Variants in IFT20 observed in about 807,000 individuals in gnomAD.
The protein encoded by IFT20 is intraflagellar transport protein 20 homolog.
A neutral mutation model predicts 16.9 loss-of-function variants in IFT20; 4 were observed. That is an observed-to-expected ratio of 0.24 (90% CI 0.12 to 0.54). The LOEUF is 0.54. Among genes scored for constraint, IFT20 ranks in the 20% least tolerant of loss-of-function variants. The pLI, the probability that IFT20 is intolerant of heterozygous loss-of-function variation, is 0.95. For synonymous variants in IFT20, 48 were observed against 49.9 expected (o/e 0.96, Z 0.16); for missense variants, 154 against 149.7 (o/e 1.03, Z -0.15).
intron 3 of IFT20, chr17:28,329,500 C>A (rs1906588082): frequency 2.0e-6 from 1 of 491,964 alleles, no homozygotes; most frequent in African/African-American, 2.0e-5. Context: ...ATTCCTAGAG[C>A]CAGGGACACA....
chr17:28,328,877 C>T (rs782646653), intron 4 of IFT20, 144 bp from the exon 5 acceptor site: 1 of 669,258 alleles, frequency 1.5e-6, no homozygotes, highest in Non-Finnish European at 2.6e-6. Flanking sequence ...CAAAGCCCTA[C>T]CCAGAGCCAC....
At chr17:28,331,607 A>T in intron 2 of IFT20, 2 of 472,700 alleles carry the variant, frequency 4.2e-6, no homozygotes, top group Non-Finnish European at 7.6e-6. Flanking sequence ...TCTAAGAGCA[A>T]GAAATGAAAG....
At chr17:28,332,398 C>A in intron 1 of IFT20, 1 of 541,698 alleles carries the variant, frequency 1.8e-6, no homozygotes, top group Non-Finnish European at 3.3e-6. Context: ...AGAAGACAGA[C>A]ACGGAAACTG....
chr17:28,331,524 A>G (rs1172736917), intron 2 of IFT20: 1 of 222,666 alleles, frequency 4.5e-6, no homozygotes, highest in Non-Finnish European at 8.9e-6. Context: ...TTCTCTGAAG[A>G]AATCAAATCA....
chr17:28,332,401 G>A (rs1035851825), intron 1 of IFT20: 8 of 532,226 alleles, frequency 1.5e-5, no homozygotes, highest in Admixed American at 3.3e-5. Flanking sequence ...AGACAGACAC[G>A]GAAACTGAAA....
At chr17:28,335,103 G>A (rs1318221367) in intron 1 of IFT20, among the ~76,000 whole-genome samples, 1 of 152,182 alleles carries the variant, frequency 6.6e-6, no homozygotes, top group African/African-American at 2.4e-5. Context: ...ACTGCGAGCC[G>A]ACTCTTTACT....
intron 1 of IFT20, 116 bp from the exon 2 acceptor site, chr17:28,332,103 A>G (rs1906826216): frequency 6.3e-7 from 1 of 1,599,438 alleles, no homozygotes; most frequent in African/African-American, 1.3e-5. Context: ...CAGGTGTTCC[A>G]AAGGATCCCC....
At chr17:28,332,053 C>T (rs1906824217) in intron 1 of IFT20, 66 bp from the exon 2 acceptor site, 1 of 1,612,090 alleles carries the variant, frequency 6.2e-7, no homozygotes, top group Admixed American at 1.7e-5. Flanking sequence ...TGCTGCCAAG[C>T]CAGCCCCACT....
intron 1 of IFT20, among the ~76,000 whole-genome samples, chr17:28,333,439 A>G (rs1165180567): frequency 6.6e-6 from 1 of 152,244 alleles, no homozygotes; most frequent in South Asian, 2.1e-4. Flanking sequence ...CAGTACCTCA[A>G]TGTTGGTATG....
In IFT20 at chr17:28,329,218, T is replaced by G. The variant is rs1192503069; in HGVS notation, c.272A>C (p.Gln91Pro). ...SIAKQREAQQQQLQALIAEKK... is the reference protein window; with the variant it reads ...SIAKQREAQQPQLQALIAEKK... ...TTCTGCTATTAGGGCTTGAAGTTGC[T>G]GCTGTTGAGCTTCTCTCTGCTTTGC... Residue 91 changes from glutamine to proline, a missense_variant, in exon 4 of 5, where the codon CAG (glutamine) becomes CCG (proline). Physicochemically the swap from Gln to Pro is moderately conservative, Grantham distance 76. Transcript: ENST00000395418. The G allele has an allele frequency of 1.9e-6, 3 of 1,614,238 alleles. No individual in the cohort carries two copies.
intron 1 of IFT20, chr17:28,332,761 G>A (rs1256251072): frequency 1.9e-5 from 3 of 154,996 alleles, no homozygotes; most frequent in African/African-American, 7.2e-5. Flanking sequence ...GTATCAGCAA[G>A]AACATATCAA....
chr17:28,330,059 CAAAAAAA>C, intron 3 of IFT20: 2 of 402,896 alleles, frequency 5.0e-6, no homozygotes, highest in South Asian at 3.8e-5. Flanking sequence ...AACTCCGTCT[CAAAAAAA>C]AAAAAAAAAA....
In IFT20 at chr17:28,331,981, G is replaced by C; in HGVS notation, c.5C>G (p.Ala2Gly). The C allele has an allele frequency of 6.2e-7, 1 of 1,614,112 alleles. No homozygotes were observed. Among genetic ancestry groups the C allele is most frequent in the Non-Finnish European group, 8.5e-7 (1 of 1,180,012 alleles). The change falls in exon 2 of 5, where the codon GCC becomes GGC. Residue 2 changes from alanine to glycine, a missense_variant. Physicochemically the swap from Ala to Gly is moderately conservative, Grantham distance 60. Transcript: ENST00000395418. M[A>G]KDILGEAGLH... ...CCCTGCTTCACCCAGGATGTCCTTG[G>C]CCATGGCTGTAAAGAAACAGGCCCA...
chr17:28,329,317 A>G (rs1016064615), intron 3 of IFT20, 41 bp from the exon 4 acceptor site: 2 of 1,491,626 alleles, frequency 1.3e-6, no homozygotes, highest in Non-Finnish European at 1.9e-6. Flanking sequence ...CATTAAAACC[A>G]TCTACAGCAT....
chr17:28,335,066 C>T (rs150350367), intron 1 of IFT20, among the ~76,000 whole-genome samples: 2 of 152,316 alleles, frequency 1.3e-5, no homozygotes, highest in East Asian at 1.9e-4. Flanking sequence ...CTTTCTGCGC[C>T]CCGGCTCTCC....
At chr17:28,330,390 T>C (rs1555576345) in intron 3 of IFT20, 53 bp downstream of exon 3, 1 of 1,172,746 alleles carries the variant, frequency 8.5e-7, no homozygotes, top group South Asian at 1.2e-5. Flanking sequence ...GATGAGAGGG[T>C]AGTGAACTAG....
chr17:28,329,295 A>C lies in IFT20; in HGVS notation c.214-19T>G. The C allele has an allele frequency of 6.3e-7, 1 of 1,596,246 alleles. No individual in the cohort carries two copies. Among genetic ancestry groups the C allele is most frequent in the Non-Finnish European group, 8.6e-7 (1 of 1,165,292 alleles). ...CGATGGCCTACAGTATTGCCAGAGA[A>C]GGCCATGGCTTCATTAAAACCATCT... On this transcript the variant is annotated intron_variant, in intron 3 of 4. Coordinates refer to ENST00000395418, the MANE Select transcript of IFT20 (RefSeq NM_001267776.2).
intron 2 of IFT20, 133 bp downstream of exon 2, chr17:28,331,726 G>A (rs1400867862): frequency 9.0e-6 from 10 of 1,107,802 alleles, no homozygotes; most frequent in South Asian, 4.2e-5. Flanking sequence ...AGGGTGGCAC[G>A]TGGGAACTCA....
chr17:28,328,705 T>G lies in IFT20; in HGVS notation c.346A>C (p.Lys116Gln), dbSNP rs782338973. Residue 116 changes from lysine to glutamine, a missense_variant, in exon 5 of 5, where the codon AAA (lysine) becomes CAA (glutamine). Lys to Gln is a moderately conservative substitution (Grantham distance 53, BLOSUM62 1). Coordinates refer to ENST00000395418, the MANE Select transcript of IFT20 (RefSeq NM_001267776.2). ...AATTCATTTTGTTCTGCTTCTACTT[T>G]ACACAAAGCTTCATATTCAACCCGA... ...RYRVEYEALC[K>Q]VEAEQNEFID... is the part of the protein sequence containing the mutation. 1 of 1,602,758 alleles carries G rather than the reference T, an allele frequency of 6.2e-7. No homozygotes were observed. Among genetic ancestry groups the G allele is most frequent in the Non-Finnish European group, 8.5e-7 (1 of 1,175,578 alleles).
Sources: gnomAD v4.1 joint callset for allele counts (sites outside exome capture counted in the v4.1 genomes callset) on GRCh38, gnomAD v4.1.1 for gene constraint, MANE v1.5 for transcripts, NCBI Gene and HGNC (gene_info 2026-07-23, HGNC 2026-07-21) for gene names.